MTMR10: variants seen among roughly 807,000 people sequenced by gnomAD.
MTMR10 encodes myotubularin related protein 10.
MTMR10 carries 56 observed loss-of-function variants against 88.1 expected under a neutral mutation model. The ratio of observed to expected loss-of-function variants is 0.64; its 90% CI spans 0.51 to 0.79. MTMR10 has a LOEUF of 0.79. Among genes scored for constraint, MTMR10 ranks in the 30% least tolerant of loss-of-function variants. The probability of loss-of-function intolerance (pLI) is 0.00; values close to 1 mark genes in which losing one functional copy is unlikely to be tolerated. For missense variants in MTMR10, 883 were observed against 924.7 expected, an observed-to-expected ratio of 0.95 and a Z score of 0.58; for synonymous variants, 380 against 340.9, an observed-to-expected ratio of 1.11 and a Z score of -1.26.
chr15:30,937,403 G>A, downstream of MTMR10: 1 of 610,410 alleles, frequency 1.6e-6, no homozygotes. Context: ...ACAAAACAGT[G>A]TTTGCTTGAA....
intron 14 of MTMR10, among the ~76,000 whole-genome samples, chr15:30,945,334 T>C (rs2063154252): frequency 6.6e-6 from 1 of 152,166 alleles, no homozygotes; most frequent in African/African-American, 2.4e-5. Flanking sequence ...GCAGAGGAAA[T>C]ACTTGTAGAA....
At chr15:30,925,911 C>A in the MTMR10 span, 1 of 1,614,222 alleles carries the variant, frequency 6.2e-7, no homozygotes, top group African/African-American at 1.3e-5. Flanking sequence ...TGGCACTGGC[C>A]CATTACAGAC....
Position 30,940,500 on chromosome 15 carries a change from CA to C in MTMR10, c.*969del. On this transcript the variant is annotated 3_prime_UTR_variant, in exon 16 of 16. Transcript: ENST00000435680. ...AACTCGTAACCTCATTAGTTATTTC[CA>C]GGGGGAAGTGCCAGCAATAGTTTAC... 1.0e-6 allele frequency: 1 copy of C among 985,384 alleles called. No homozygotes were observed. The highest frequency in any genetic ancestry group is 1.2e-6 in the Non-Finnish European group (1 of 829,944). The allele number at this position is 985,384 out of a possible 1,614,324, so 61.0% of individuals were successfully genotyped here.
intron 5 of MTMR10, 40 bp from the exon 6 acceptor site, chr15:30,968,050 C>T: frequency 7.1e-7 from 1 of 1,406,028 alleles, no homozygotes; most frequent in Non-Finnish European, 9.8e-7. Context: ...TTTTAACACA[C>T]TTAGTTAAAT....
At chr15:30,920,481 G>C in the MTMR10 span, 168,589 of 1,021,222 alleles carry the variant, frequency 0.17, 16,781 homozygotes, top group African/African-American at 0.41. Flanking sequence ...TTTGTCACTT[G>C]TTATTATTGT....
chr15:30,928,227 GTATC>G, the MTMR10 span: 1 of 1,064,634 alleles, frequency 9.4e-7, no homozygotes, highest in Non-Finnish European at 1.1e-6. Context: ...CCTGAGGAGG[GTATC>G]TGCCTATTTT....
rs149307771 is a variant in MTMR10, at chr15:30,979,439, G to A, written c.122-2484C>T. Among the ~76,000 whole-genome samples the A allele has an allele frequency of 1.1e-3, 161 of 151,854 alleles. 1 individual carries two copies. The highest frequency in any genetic ancestry group is 6.0e-3 in the East Asian group (31 of 5,164). On this transcript the variant is annotated intron_variant, in intron 2 of 15. Transcript: ENST00000435680. Reference sequence around the variant, plus strand: ...AGCCAGGCGTGGTGGTGCGCCAGGCGTGGTGGTGCGCACCTGTAGCCCCAG... The same window carrying A: ...AGCCAGGCGTGGTGGTGCGCCAGGCATGGTGGTGCGCACCTGTAGCCCCAG...
chr15:30,990,222 T>C lies in MTMR10; in HGVS notation c.121+555A>G, dbSNP rs142155541. On this transcript the variant is annotated intron_variant, in intron 2 of 15. Transcript: ENST00000435680. ...TGGTGGGGGATAAGGGTACTACTAC[T>C]GGCATCTAGTGGGTGGAGGCCATCT... 4.9e-4 allele frequency among the ~76,000 whole-genome samples: 74 copies of C among 152,250 alleles called. No individual in the cohort carries two copies. In the East Asian group the frequency reaches 0.011, roughly 23 times the overall value.
chr15:30,939,210 T>C lies in MTMR10; in HGVS notation c.*2260A>G. ...CCTTAAATAAAGTTAGTTAGCTATT[T>C]TTGGTTTCAAAATCAGTTTCCATCA... On this transcript the variant is annotated 3_prime_UTR_variant, in exon 16 of 16. Coordinates refer to ENST00000435680, the MANE Select transcript of MTMR10 (RefSeq NM_017762.3). The C allele has an allele frequency of 1.0e-6, 1 of 985,434 alleles. No homozygotes were observed. The highest frequency in any genetic ancestry group is 1.2e-6 in the Non-Finnish European group (1 of 829,894). 61.0% of individuals were successfully genotyped at this position (985,434 alleles called of 1,614,324 possible). A position where few individuals can be genotyped will look rare whatever the true frequency, so the allele number is the denominator to read the frequency against.
At chr15:30,928,034 C>T in the MTMR10 span, 1 of 990,170 alleles carries the variant, frequency 1.0e-6, no homozygotes, top group Non-Finnish European at 1.2e-6. Flanking sequence ...AGTGTAGTAC[C>T]CAGGGGGATG....
intron 14 of MTMR10, among the ~76,000 whole-genome samples, chr15:30,945,557 C>T (rs201996249): frequency 4.0e-5 from 5 of 125,002 alleles, no homozygotes; most frequent in South Asian, 2.7e-4. Flanking sequence ...ACACTGTGTG[C>T]GCACGGGGTA....
At chr15:30,929,765 A>T in the MTMR10 span, among the ~76,000 whole-genome samples, 2 of 42,398 alleles carry the variant, frequency 4.7e-5, no homozygotes, top group South Asian at 8.3e-4. Flanking sequence ...ATAATATATA[A>T]AATATATAAT....
At chr15:30,978,347 G>A (rs2141055913) in intron 2 of MTMR10, among the ~76,000 whole-genome samples, 1 of 152,362 alleles carries the variant, frequency 6.6e-6, no homozygotes, top group African/African-American at 2.4e-5. Flanking sequence ...GCCTAGAACA[G>A]TGTCTGGCAC....
chr15:30,930,652 C>T, the MTMR10 span: 1 of 1,612,720 alleles, frequency 6.2e-7, no homozygotes, highest in Non-Finnish European at 8.5e-7. Flanking sequence ...GTGTGGAACT[C>T]CCAGAGCCGT....
the MTMR10 span, chr15:30,926,631 G>A: frequency 1.0e-6 from 1 of 985,338 alleles, no homozygotes; most frequent in Non-Finnish European, 1.2e-6. Context: ...TATTGGGGAA[G>A]ACGTGCAAAT....
intron 9 of MTMR10, among the ~76,000 whole-genome samples, chr15:30,957,725 G>A (rs1203691425): frequency 1.3e-5 from 2 of 152,102 alleles, no homozygotes; most frequent in African/African-American, 4.8e-5. Context: ...GAAACAAGGA[G>A]TGCCAAGTGG....
At chr15:30,942,200 CCCTT>C in intron 15 of MTMR10, 128 bp from the exon 16 acceptor site, 1 of 1,179,922 alleles carries the variant, frequency 8.5e-7, no homozygotes, top group Non-Finnish European at 1.2e-6. Context: ...ACATTTTCCT[CCCTT>C]CCTTTGTGTC....
downstream of MTMR10, among the ~76,000 whole-genome samples, chr15:30,937,737 A>AT (rs2062901747): frequency 6.6e-6 from 1 of 151,930 alleles, no homozygotes; most frequent in Non-Finnish European, 1.5e-5. Flanking sequence ...GATTACAGGC[A>AT]TTGAGCCACT....
the MTMR10 span, among the ~76,000 whole-genome samples, chr15:30,929,702 T>A: frequency 0.063 from 2,822 of 44,730 alleles, 314 homozygotes; most frequent in African/African-American, 0.094. Flanking sequence ...AAAATATATA[T>A]TATATCATAT....
Sources: gnomAD v4.1 joint callset for allele counts (sites outside exome capture counted in the v4.1 genomes callset) on GRCh38, gnomAD v4.1.1 for gene constraint, MANE v1.5 for transcripts, NCBI Gene and HGNC (gene_info 2026-07-23, HGNC 2026-07-21) for gene names.